GALNT13: variants seen among roughly 807,000 people sequenced by gnomAD.
The protein encoded by GALNT13 is polypeptide N-acetylgalactosaminyltransferase 13.
A neutral mutation model predicts 64.2 loss-of-function variants in GALNT13; 28 were observed. The observed-to-expected ratio is 0.44, with a 90% CI of 0.32 to 0.60. The LOEUF is 0.60. GALNT13 is among the 20% of genes least tolerant of loss of function. The pLI, the probability that GALNT13 is intolerant of heterozygous loss-of-function variation, is 0.05. For synonymous variants in GALNT13, 214 were observed against 224.6 expected (o/e 0.95, Z 0.42); for missense variants, 577 against 669.8 (o/e 0.86, Z 1.53).
the GALNT13 span, among the ~76,000 whole-genome samples, chr2:153,145,301 AT>A: frequency 6.6e-6 from 1 of 151,994 alleles, no homozygotes; most frequent in Non-Finnish European, 1.5e-5. Context: ...TTACCTACTA[AT>A]TTTAGCCAAA....
the GALNT13 span, among the ~76,000 whole-genome samples, chr2:153,297,893 T>C: frequency 1.3e-5 from 2 of 152,162 alleles, no homozygotes; most frequent in East Asian, 3.9e-4. Context: ...AGAAAAATCC[T>C]TCAAACTGGG....
chr2:153,974,817 G>T (rs1693974044), intron 3 of GALNT13, among the ~76,000 whole-genome samples: 1 of 151,920 alleles, frequency 6.6e-6, no homozygotes, highest in Non-Finnish European at 1.5e-5. Context: ...CTGTCACTAG[G>T]TCCTAGGAAA....
At chr2:153,363,056 A>G in the GALNT13 span, among the ~76,000 whole-genome samples, 5 of 152,210 alleles carry the variant, frequency 3.3e-5, no homozygotes, top group African/African-American at 1.2e-4. Context: ...AGTGCAATCA[A>G]ATTAGAACTC....
the GALNT13 span, among the ~76,000 whole-genome samples, chr2:153,403,227 G>A: frequency 0.42 from 60,087 of 142,380 alleles, 15,309 homozygotes; most frequent in African/African-American, 0.65. Context: ...GGTGCCTCCC[G>A]GTTAGGCTGC....
chr2:153,642,904 T>C, the GALNT13 span, among the ~76,000 whole-genome samples: 1 of 151,608 alleles, frequency 6.6e-6, no homozygotes, highest in Non-Finnish European at 1.5e-5. Flanking sequence ...ACTTGAAACA[T>C]ATATAAAAAC....
the GALNT13 span, chr2:153,370,922 C>T: frequency 5.0e-6 from 1 of 200,268 alleles, no homozygotes; most frequent in Admixed American, 4.7e-5. Context: ...AAGTACCAGA[C>T]CAAACAGGCT....
chr2:153,786,366 C>T, the GALNT13 span, among the ~76,000 whole-genome samples: 85 of 152,242 alleles, frequency 5.6e-4, no homozygotes, highest in African/African-American at 1.9e-3. Flanking sequence ...AGCCCCTCTT[C>T]GCCAGTTGGG....
At chr2:153,267,164 C>A in the GALNT13 span, among the ~76,000 whole-genome samples, 1 of 151,822 alleles carries the variant, frequency 6.6e-6, no homozygotes, top group African/African-American at 2.4e-5. Context: ...AAGAGGTGGG[C>A]TCCCTTGACC....
chr2:153,439,011 T>C, the GALNT13 span, among the ~76,000 whole-genome samples: 1 of 152,192 alleles, frequency 6.6e-6, no homozygotes, highest in African/African-American at 2.4e-5. Context: ...GTGGATGTCC[T>C]TTCTGTTTGT....
the GALNT13 span, among the ~76,000 whole-genome samples, chr2:153,307,949 G>A: frequency 1.3e-5 from 2 of 152,002 alleles, no homozygotes; most frequent in African/African-American, 4.8e-5. Flanking sequence ...AGATGGTGCT[G>A]CACATAAGCA....
At chr2:154,060,842 T>A (rs948159450) in intron 3 of GALNT13, among the ~76,000 whole-genome samples, 6 of 152,012 alleles carry the variant, frequency 3.9e-5, no homozygotes, top group South Asian at 2.1e-4. Context: ...ACCCAATTAA[T>A]ATAGTTCCTA....
chr2:154,034,797 A>G (rs1252400724), intron 3 of GALNT13, among the ~76,000 whole-genome samples: 1 of 152,306 alleles, frequency 6.6e-6, no homozygotes, highest in Non-Finnish European at 1.5e-5. Context: ...GCTGAATAGT[A>G]GTCCATTGAA....
chr2:154,114,328 C>CA (rs1310256864), intron 3 of GALNT13, among the ~76,000 whole-genome samples: 1 of 152,100 alleles, frequency 6.6e-6, no homozygotes, highest in Non-Finnish European at 1.5e-5. Flanking sequence ...GAAATGACCA[C>CA]AGGATGAATT....
chr2:153,243,693 G>C, the GALNT13 span, among the ~76,000 whole-genome samples: 1 of 152,178 alleles, frequency 6.6e-6, no homozygotes, highest in African/African-American at 2.4e-5. Context: ...TGAAGGTTTA[G>C]GCAAGGCTTG....
the GALNT13 span, among the ~76,000 whole-genome samples, chr2:153,437,544 C>T: frequency 6.6e-6 from 1 of 152,128 alleles, no homozygotes; most frequent in South Asian, 2.1e-4. Context: ...GGATAGTTAG[C>T]TCTTCTTGTT....
chr2:153,520,759 A>G, the GALNT13 span, among the ~76,000 whole-genome samples: 1 of 152,098 alleles, frequency 6.6e-6, no homozygotes, highest in East Asian at 1.9e-4. Context: ...TGATTTTAGA[A>G]CCCTTTTAGT....
chr2:153,745,982 A>C, the GALNT13 span, among the ~76,000 whole-genome samples: 1 of 152,222 alleles, frequency 6.6e-6, no homozygotes, highest in Non-Finnish European at 1.5e-5. Context: ...ATACCTGGCC[A>C]TAATATGGTA....
At chr2:153,165,680 A>G in the GALNT13 span, among the ~76,000 whole-genome samples, 2 of 152,176 alleles carry the variant, frequency 1.3e-5, no homozygotes, top group Admixed American at 1.3e-4. Flanking sequence ...GCTGCTTTGC[A>G]TAGGTTGTAT....
upstream of GALNT13, among the ~76,000 whole-genome samples, chr2:153,869,673 C>T (rs538648194): frequency 6.6e-6 from 1 of 152,082 alleles, no homozygotes; most frequent in South Asian, 2.1e-4. Context: ...TGATGTTTAC[C>T]AGATTTATCC....
Sources: allele counts gnomAD v4.1 joint callset (sites outside exome capture counted in the v4.1 genomes callset), GRCh38; gene constraint gnomAD v4.1.1; transcripts MANE v1.5; gene names NCBI Gene and HGNC (gene_info 2026-07-23, HGNC 2026-07-21).